MAGI1: variants seen among roughly 807,000 people sequenced by gnomAD.
MAGI1 encodes the protein membrane-associated guanylate kinase, WW and PDZ domain-containing protein 1.
A neutral mutation model predicts 139.9 loss-of-function variants in MAGI1; 58 were observed. That is an observed-to-expected ratio of 0.41 (90% CI 0.34 to 0.52). MAGI1 has a LOEUF of 0.52. Among genes scored for constraint, MAGI1 ranks in the 20% least tolerant of loss-of-function variants. MAGI1 has a pLI of 0.12. For synonymous variants in MAGI1, 812 were observed against 737.9 expected (o/e 1.10, Z -1.63); for missense variants, 1,874 against 1,901.6 (o/e 0.99, Z 0.27).
chr3:65,734,179 G>A (rs2034471756), intron 1 of MAGI1, among the ~76,000 whole-genome samples: 1 of 152,120 alleles, frequency 6.6e-6, no homozygotes, highest in Non-Finnish European at 1.5e-5. Flanking sequence ...TCTTGACTGG[G>A]TGCAGTGACT....
At chr3:65,852,955 G>A in intron 1 of MAGI1, among the ~76,000 whole-genome samples, 1 of 134,782 alleles carries the variant, frequency 7.4e-6, no homozygotes, top group South Asian at 2.5e-4. Context: ...CTAACACGGT[G>A]AAACCCCGTA....
intron 10 of MAGI1, 83 bp downstream of exon 10, chr3:65,437,072 G>T: frequency 1.2e-6 from 1 of 814,270 alleles, no homozygotes; most frequent in Non-Finnish European, 1.9e-6. Flanking sequence ...TGGGAGTTAC[G>T]AGATTCCACT....
At chr3:65,882,960 G>C (rs1242408267) in intron 1 of MAGI1, among the ~76,000 whole-genome samples, 1 of 147,406 alleles carries the variant, frequency 6.8e-6, no homozygotes, top group African/African-American at 2.5e-5. Flanking sequence ...AAGGAAAAAA[G>C]AAAGGAAAGA....
At chr3:65,427,991 A>C (rs949434283) in intron 12 of MAGI1, among the ~76,000 whole-genome samples, 18 of 152,214 alleles carry the variant, frequency 1.2e-4, no homozygotes, top group African/African-American at 4.3e-4. Flanking sequence ...CATTTTAAAA[A>C]AAATAAAATT....
At chr3:66,029,096 G>C (rs2068459534) in intron 1 of MAGI1, among the ~76,000 whole-genome samples, 2 of 152,138 alleles carry the variant, frequency 1.3e-5, no homozygotes, top group Admixed American at 1.3e-4. Flanking sequence ...GGCACAAAGA[G>C]GTTCAGCATC....
chr3:65,788,085 G>T (rs2039517502), intron 1 of MAGI1, among the ~76,000 whole-genome samples: 1 of 152,106 alleles, frequency 6.6e-6, no homozygotes, highest in Non-Finnish European at 1.5e-5. Context: ...CAAACCAGAA[G>T]TCTCAGAAGT....
intron 1 of MAGI1, among the ~76,000 whole-genome samples, chr3:65,630,769 C>T (rs1021320210): frequency 6.6e-6 from 1 of 152,114 alleles, no homozygotes; most frequent in African/African-American, 2.4e-5. Flanking sequence ...GTGTGCACTG[C>T]TCAGTGACAT....
intron 15 of MAGI1, among the ~76,000 whole-genome samples, chr3:65,382,791 G>A (rs1428621969): frequency 5.3e-5 from 8 of 152,194 alleles, no homozygotes; most frequent in African/African-American, 1.9e-4. Flanking sequence ...GGGCAAGTTA[G>A]TTAGCCTTTC....
intron 2 of MAGI1, among the ~76,000 whole-genome samples, chr3:65,544,620 G>C (rs1324588767): frequency 1.3e-5 from 2 of 152,174 alleles, no homozygotes; most frequent in African/African-American, 4.8e-5. Context: ...ATACCAGCCA[G>C]AATGGGAGGA....
intron 2 of MAGI1, among the ~76,000 whole-genome samples, chr3:65,587,863 G>A (rs931994857): frequency 3.3e-5 from 5 of 152,110 alleles, no homozygotes; most frequent in South Asian, 2.1e-4. Context: ...TCCCTTCTTC[G>A]CATTACAACA....
intron 1 of MAGI1, among the ~76,000 whole-genome samples, chr3:65,991,223 C>A (rs991306176): frequency 7.7e-6 from 1 of 129,142 alleles, no homozygotes; most frequent in Admixed American, 9.2e-5. Context: ...CAGAAGGTGG[C>A]GGTTGCAATG....
At chr3:65,464,010 T>C (rs1950000425) in intron 5 of MAGI1, among the ~76,000 whole-genome samples, 1 of 152,220 alleles carries the variant, frequency 6.6e-6, no homozygotes. Flanking sequence ...ATTCTATTCT[T>C]CTCTCTTTCA....
intron 12 of MAGI1, among the ~76,000 whole-genome samples, chr3:65,405,129 A>T (rs4596092): frequency 0.3 from 46,073 of 152,062 alleles, 7,875 homozygotes; most frequent in South Asian, 0.45. Flanking sequence ...CCAGAAAACT[A>T]TTCCAGGGAA....
chr3:65,703,329 T>C (rs1403163721), intron 1 of MAGI1, among the ~76,000 whole-genome samples: 2 of 152,208 alleles, frequency 1.3e-5, no homozygotes, highest in Non-Finnish European at 2.9e-5. Context: ...GCCAGTCAAT[T>C]GTCTATTCAA....
In MAGI1 at chr3:65,986,123, T is replaced by C. The variant is rs565385397; in HGVS notation, c.313+51873A>G. 3.9e-5 allele frequency among the ~76,000 whole-genome samples: 6 copies of C among 152,350 alleles called. No individual in the cohort carries two copies. In the South Asian group the frequency reaches 8.3e-4, roughly 21 times the overall value. ...TCCATTTCCAGCCAGACATAGCTGA[T>C]TGATCATGGTGCCTCTTCTCACTAA... On this transcript the variant is annotated intron_variant, in intron 1 of 22. Transcript: ENST00000402939.
At chr3:65,389,453 T>C (rs915431969) in intron 14 of MAGI1, among the ~76,000 whole-genome samples, 1 of 152,148 alleles carries the variant, frequency 6.6e-6, no homozygotes, top group Non-Finnish European at 1.5e-5. Flanking sequence ...GTGTACTGTA[T>C]TGAGGAGAGC....
At chr3:65,818,137 C>T (rs1363345003) in intron 1 of MAGI1, among the ~76,000 whole-genome samples, 2 of 152,074 alleles carry the variant, frequency 1.3e-5, no homozygotes, top group African/African-American at 4.8e-5. Flanking sequence ...AACACATACA[C>T]ACACAATATT....
intron 1 of MAGI1, among the ~76,000 whole-genome samples, chr3:65,639,398 A>G (rs1295736187): frequency 6.6e-6 from 1 of 152,202 alleles, no homozygotes; most frequent in Non-Finnish European, 1.5e-5. Context: ...AAAACAAAAT[A>G]ACGAAATAGA....
intron 1 of MAGI1, among the ~76,000 whole-genome samples, chr3:65,926,552 T>C (rs1178337228): frequency 6.6e-6 from 1 of 152,136 alleles, no homozygotes. Flanking sequence ...AAGACCTTGC[T>C]GATAAAATAG....
Sources: allele counts gnomAD v4.1 joint callset (sites outside exome capture counted in the v4.1 genomes callset), GRCh38; gene constraint gnomAD v4.1.1; transcripts MANE v1.5; gene names NCBI Gene and HGNC (gene_info 2026-07-23, HGNC 2026-07-21).